The following ANXA5 variants were observed in gnomAD, a reference collection of about 807,000 sequenced individuals.
ANXA5 encodes the protein CBP-I.
In ANXA5, 40 loss-of-function variants were observed where a neutral mutation model predicts 48.1. The ratio of observed to expected loss-of-function variants is 0.83; its 90% CI spans 0.65 to 1.08. The LOEUF is 1.08. Among genes scored for constraint, ANXA5 ranks in the 50% least tolerant of loss-of-function variants. ANXA5 has a pLI of 0.00. For missense variants in ANXA5, 357 were observed against 376.8 expected (o/e 0.95, Z 0.44); for synonymous variants, 113 against 129.1 (o/e 0.88, Z 0.85).
At chr4:121,687,017 G>C (rs1032458616) in intron 2 of ANXA5, among the ~76,000 whole-genome samples, 1 of 152,118 alleles carries the variant, frequency 6.6e-6, no homozygotes, top group Non-Finnish European at 1.5e-5. Context: ...AAAAAAATTA[G>C]TGATATCGGC....
At chr4:121,678,773 C>G (rs1037456330) in intron 6 of ANXA5, among the ~76,000 whole-genome samples, 9 of 152,192 alleles carry the variant, frequency 5.9e-5, no homozygotes, top group Non-Finnish European at 1.0e-4. Context: ...TCTATAGATA[C>G]ATGATGGTAC....
At chr4:121,679,826 G>A (rs1724759918) in intron 6 of ANXA5, among the ~76,000 whole-genome samples, 1 of 152,116 alleles carries the variant, frequency 6.6e-6, no homozygotes, top group African/African-American at 2.4e-5. Context: ...GTTGTGAAAT[G>A]ATTACCACAA....
Position 121,679,399 on chromosome 4 carries a change from C to A in ANXA5, c.395-905G>T, listed in dbSNP as rs116831105. On this transcript the variant is annotated intron_variant, in intron 6 of 12. Transcript: ENST00000296511. ...AATTCCTAAATACCTAGCTTACCTC[C>A]CACACACATAACTATCCAATTAGCC... Among the ~76,000 whole-genome samples, 854 of 152,200 alleles carry A rather than the reference C, an allele frequency of 5.6e-3. 4 individuals are homozygous for A. Among genetic ancestry groups the A allele is most frequent in the African/African-American group, 0.019 (779 of 41,546 alleles).
chr4:121,670,923 C>T (rs1724601715), intron 10 of ANXA5, among the ~76,000 whole-genome samples: 1 of 152,072 alleles, frequency 6.6e-6, no homozygotes, highest in South Asian at 2.1e-4. Flanking sequence ...AAACAGCAGA[C>T]AGAGGCTCAC....
At chr4:121,691,951 AG>A (rs1348782869) in intron 2 of ANXA5, among the ~76,000 whole-genome samples, 1 of 152,250 alleles carries the variant, frequency 6.6e-6, no homozygotes, top group Non-Finnish European at 1.5e-5. Context: ...AAGAAGACTG[AG>A]GAGTACAAAC....
Position 121,683,582 on chromosome 4 carries a change from GTC to G in ANXA5, c.190-107_190-106del, listed in dbSNP as rs1432125608. The G allele has an allele frequency of 3.3e-5, 21 of 627,680 alleles. No homozygotes were observed. The Admixed American group carries it at 6.1e-4, about 18-fold the overall frequency. 38.9% of individuals were successfully genotyped at this position (627,680 alleles called of 1,614,324 possible). Reference sequence around the variant, plus strand: ...GCTCTAATGAATTCTTTATGTTGCTGTCTCCAAGTAGAAGGCCCATGAGCTAA... The same window carrying G: ...GCTCTAATGAATTCTTTATGTTGCTGTCCAAGTAGAAGGCCCATGAGCTAA... On this transcript the variant is annotated intron_variant, in intron 4 of 12. Coordinates refer to ENST00000296511, the MANE Select transcript of ANXA5 (RefSeq NM_001154.4).
At chr4:121,679,585 A>G (rs1724755872) in intron 6 of ANXA5, among the ~76,000 whole-genome samples, 1 of 151,986 alleles carries the variant, frequency 6.6e-6, no homozygotes, top group East Asian at 1.9e-4. Flanking sequence ...ACCTCCCACA[A>G]TGGACATGCA....
intron 3 of ANXA5, among the ~76,000 whole-genome samples, chr4:121,685,091 C>T (rs982991216): frequency 4.0e-5 from 6 of 149,350 alleles, no homozygotes; most frequent in Non-Finnish European, 3.0e-5. Flanking sequence ...CACACACAGA[C>T]GCAAATACAC....
intron 5 of ANXA5, among the ~76,000 whole-genome samples, chr4:121,682,367 T>G (rs1049709337): frequency 3.3e-5 from 5 of 152,148 alleles, no homozygotes; most frequent in African/African-American, 1.2e-4. Flanking sequence ...TTTCTGCTTT[T>G]AAAAATCACA....
intron 9 of ANXA5, 37 bp from the exon 10 acceptor site, chr4:121,671,679 G>A (rs747861614): frequency 7.3e-7 from 1 of 1,361,158 alleles, no homozygotes. Context: ...ATCATGTAGG[G>A]ATCACTCTTT....
intron 3 of ANXA5, among the ~76,000 whole-genome samples, chr4:121,685,103 C>CAT (rs1357973232): frequency 1.3e-5 from 2 of 151,144 alleles, no homozygotes; most frequent in Non-Finnish European, 2.9e-5. Flanking sequence ...CAAATACACA[C>CAT]ATATATATAA....
intron 4 of ANXA5, among the ~76,000 whole-genome samples, chr4:121,683,822 T>C (rs578228848): frequency 6.6e-6 from 1 of 152,304 alleles, no homozygotes; most frequent in African/African-American, 2.4e-5. Flanking sequence ...AATAATCATA[T>C]AATGAAATTT....
intron 6 of ANXA5, among the ~76,000 whole-genome samples, chr4:121,678,918 A>ACTC (rs10680099): frequency 0.38 from 58,295 of 151,750 alleles, 13,338 homozygotes; most frequent in East Asian, 0.69. Flanking sequence ...CATGGCCATC[A>ACTC]CTCCTAATAA....
intron 2 of ANXA5, among the ~76,000 whole-genome samples, chr4:121,691,809 G>A (rs1372076162): frequency 6.6e-6 from 1 of 152,046 alleles, no homozygotes; most frequent in Non-Finnish European, 1.5e-5. Flanking sequence ...TCCCGCTAAT[G>A]AGAAAATAAA....
chr4:121,686,302 G>A lies in ANXA5; in HGVS notation c.80C>T (p.Ala27Val), dbSNP rs1724888519. 1 of 1,613,682 alleles carries A rather than the reference G, an allele frequency of 6.2e-7. No homozygotes were observed. The highest frequency in any genetic ancestry group is 8.5e-7 in the Non-Finnish European group (1 of 1,179,818). Residue 27 changes from alanine to valine, a missense_variant, in exon 3 of 13, where the codon GCT (alanine) becomes GTT (valine). Ala to Val is a moderately conservative substitution (Grantham distance 64). Transcript: ENST00000296511. ...GCTAAATTTACCCAAGCCTTTCATA[G>A]CCTTCCGAAGAGTTTCTGCATCAGC... ...ERADAETLRKAMKGLGTDEES... is the reference protein window; with the variant it reads ...ERADAETLRKVMKGLGTDEES...
At chr4:121,685,633 G>GTA (rs1469673561) in intron 3 of ANXA5, among the ~76,000 whole-genome samples, 1 of 152,206 alleles carries the variant, frequency 6.6e-6, no homozygotes, top group Non-Finnish European at 1.5e-5. Flanking sequence ...CACATGAACA[G>GTA]TAGTACAAAA....
chr4:121,688,227 T>C (rs1724925594), intron 2 of ANXA5, among the ~76,000 whole-genome samples: 3 of 152,000 alleles, frequency 2.0e-5, no homozygotes. Flanking sequence ...AGAAATGAAT[T>C]TCCTTCTTTA....
intron 8 of ANXA5, among the ~76,000 whole-genome samples, chr4:121,674,427 T>C (rs140622020): frequency 4.6e-5 from 7 of 152,292 alleles, no homozygotes. Flanking sequence ...ACTTCTGGTA[T>C]GTTTCTACAT....
intron 8 of ANXA5, among the ~76,000 whole-genome samples, chr4:121,672,865 A>C (rs758611680): frequency 1.3e-5 from 2 of 152,210 alleles, no homozygotes; most frequent in Admixed American, 6.5e-5. Flanking sequence ...AAAGCACGGC[A>C]ATGGTGCAAG....
Sources: allele counts gnomAD v4.1 joint callset (sites outside exome capture counted in the v4.1 genomes callset), GRCh38; gene constraint gnomAD v4.1.1; transcripts MANE v1.5; gene names NCBI Gene and HGNC (gene_info 2026-07-23, HGNC 2026-07-21).